Variants in TSHZ1 observed in about 807,000 individuals in gnomAD.
TSHZ1 encodes teashirt homolog 1.
TSHZ1 carries 12 observed loss-of-function variants against 67.1 expected under a neutral mutation model. That is an observed-to-expected ratio of 0.18 (90% CI 0.11 to 0.29). TSHZ1 has a LOEUF of 0.29. TSHZ1 is among the 10% of genes least tolerant of loss of function. The pLI, the probability that TSHZ1 is intolerant of heterozygous loss-of-function variation, is 1.00. For missense variants in TSHZ1, 1,305 were observed against 1,413.9 expected, an observed-to-expected ratio of 0.92 and a Z score of 1.23; for synonymous variants, 632 against 622.4, an observed-to-expected ratio of 1.02 and a Z score of -0.23.
intron 1 of TSHZ1, among the ~76,000 whole-genome samples, chr18:75,233,058 C>T (rs1210231423): frequency 6.6e-6 from 1 of 152,196 alleles, no homozygotes; most frequent in Non-Finnish European, 1.5e-5. Flanking sequence ...CTGCCTGTGT[C>T]CAGCAGCCTG....
rs1650289658 is a variant in TSHZ1, at chr18:75,281,506, C to G, written c.41-3942C>G. ...CACGGGCCCTACATGGGGCCAGGCCCTGAAAGCACCATGGGGGTGGCATGA... is the reference window on the plus strand; with the variant it reads ...CACGGGCCCTACATGGGGCCAGGCCGTGAAAGCACCATGGGGGTGGCATGA... On this transcript the variant is annotated intron_variant, in intron 1 of 1. Coordinates refer to ENST00000580243, the MANE Select transcript of TSHZ1 (RefSeq NM_001308210.2). This position sits in a 1 kb window ranked among gnomAD's most constrained non-coding sequence, Gnocchi z 5.3. Among the ~76,000 whole-genome samples the G allele has an allele frequency of 6.6e-6, 1 of 152,154 alleles. No homozygotes were observed. Among genetic ancestry groups the G allele is most frequent in the African/African-American group, 2.4e-5 (1 of 41,426 alleles).
intron 1 of TSHZ1, among the ~76,000 whole-genome samples, chr18:75,232,705 G>T (rs1008350199): frequency 3.9e-5 from 6 of 152,110 alleles, no homozygotes; most frequent in Non-Finnish European, 8.8e-5. Context: ...TTTAAAGATG[G>T]TCCCACATCT....
chr18:75,237,791 C>CATTTTTTATTT (rs1555726447), intron 1 of TSHZ1, among the ~76,000 whole-genome samples: 8 of 143,570 alleles, frequency 5.6e-5, no homozygotes, highest in African/African-American at 2.2e-4. Context: ...TTCTTTCTTT[C>CATTTTTTATTT]ATTTATTTAT....
At chr18:75,212,018 C>A in intron 1 of TSHZ1, 102 bp downstream of exon 1, 1 of 949,752 alleles carries the variant, frequency 1.1e-6, no homozygotes, top group Non-Finnish European at 1.3e-6. Context: ...CGGGCCGCCC[C>A]AAGCTGGGGA....
At chr18:75,285,179 C>T in intron 1 of TSHZ1, 1 of 290,728 alleles carries the variant, frequency 3.4e-6, no homozygotes, top group Non-Finnish European at 6.3e-6. Flanking sequence ...CCCTTCCCAC[C>T]AGGCTGCAAG....
At chr18:75,215,375 A>C (rs1192542383) in intron 1 of TSHZ1, among the ~76,000 whole-genome samples, 1 of 152,230 alleles carries the variant, frequency 6.6e-6, no homozygotes. Context: ...TACCTGTGAA[A>C]TCACAGGAGT....
At chr18:75,231,000 A>G (rs1029583921) in intron 1 of TSHZ1, among the ~76,000 whole-genome samples, 6 of 152,222 alleles carry the variant, frequency 3.9e-5, no homozygotes, top group Non-Finnish European at 7.3e-5. Flanking sequence ...GTGGGGAAAA[A>G]CCAAATATCA....
chr18:75,269,422 C>T (rs2023531131), intron 1 of TSHZ1, among the ~76,000 whole-genome samples: 1 of 152,064 alleles, frequency 6.6e-6, no homozygotes, highest in African/African-American at 2.4e-5. Flanking sequence ...GGTTACCTCC[C>T]CTGTGCTATG....
At chr18:75,263,131 C>T (rs1233900588) in intron 1 of TSHZ1, among the ~76,000 whole-genome samples, 1 of 151,996 alleles carries the variant, frequency 6.6e-6, no homozygotes, top group African/African-American at 2.4e-5. Flanking sequence ...TATGCAGGTT[C>T]GTTAAATATT....
intron 1 of TSHZ1, among the ~76,000 whole-genome samples, chr18:75,262,589 G>A (rs1025388741): frequency 5.9e-5 from 9 of 152,100 alleles, no homozygotes; most frequent in Admixed American, 1.3e-4. Flanking sequence ...TATAAAATAC[G>A]CTTGCATTAA....
At chr18:75,238,148 C>T (rs561587131) in intron 1 of TSHZ1, among the ~76,000 whole-genome samples, 1 of 152,278 alleles carries the variant, frequency 6.6e-6, no homozygotes, top group South Asian at 2.1e-4. Flanking sequence ...GAACTCTCCT[C>T]AGCTACCCAC....
At chr18:75,277,825 T>C (rs766317618) in intron 1 of TSHZ1, among the ~76,000 whole-genome samples, 15 of 152,158 alleles carry the variant, frequency 9.9e-5, no homozygotes, top group Non-Finnish European at 1.8e-4. Flanking sequence ...CACATACTGA[T>C]GGTGATGATT....
chr18:75,260,773 G>A (rs555044723), intron 1 of TSHZ1, among the ~76,000 whole-genome samples: 1 of 152,262 alleles, frequency 6.6e-6, no homozygotes, highest in African/African-American at 2.4e-5. Context: ...ACACGCCCTG[G>A]TTGAATGCCC....
intron 1 of TSHZ1, chr18:75,280,962 C>T (rs748568800): frequency 5.9e-6 from 2 of 339,172 alleles, no homozygotes; most frequent in African/African-American, 2.2e-5. Context: ...GGCTGGCATC[C>T]AGACTGGGCA....
At chr18:75,248,151 T>G (rs2023247469) in intron 1 of TSHZ1, among the ~76,000 whole-genome samples, 1 of 152,228 alleles carries the variant, frequency 6.6e-6, no homozygotes, top group Non-Finnish European at 1.5e-5. Context: ...TACTGGAAAC[T>G]GTATCCATCA....
intron 1 of TSHZ1, among the ~76,000 whole-genome samples, chr18:75,273,523 A>C (rs1383416407): frequency 6.6e-6 from 1 of 152,248 alleles, no homozygotes; most frequent in Non-Finnish European, 1.5e-5. Context: ...CTACAAATTG[A>C]GAAACATAAT....
At position 75,285,976 on chromosome 18, in the gene TSHZ1, G is replaced by A. The variant is rs1207327266; in HGVS notation, c.569G>A (p.Ser190Asn). Reference sequence around the variant, plus strand: ...AGCACCAGCCACAGCAGTACCACCAGTACCAGCAGCAGCTCCGGGTACGAC... The same window carrying A: ...AGCACCAGCCACAGCAGTACCACCAATACCAGCAGCAGCTCCGGGTACGAC... ...SSSTSHSSTT[S>N]TSSSSGYDWH... The change falls in exon 2 of 2, where the codon AGT becomes AAT. Residue 190 changes from serine to asparagine, a missense_variant. Transcript: ENST00000580243. 4 of 1,591,110 alleles carry A rather than the reference G, an allele frequency of 2.5e-6. No homozygotes were observed. Among genetic ancestry groups the A allele is most frequent in the Middle Eastern group, 1.7e-4 (1 of 6,028 alleles).
chr18:75,268,799 C>T (rs966770413), intron 1 of TSHZ1, among the ~76,000 whole-genome samples: 3 of 152,174 alleles, frequency 2.0e-5, no homozygotes, highest in African/African-American at 4.8e-5. Context: ...AATGGTGTAG[C>T]GCGATGTCTC....
At chr18:75,250,391 C>A (rs555408012) in intron 1 of TSHZ1, among the ~76,000 whole-genome samples, 5 of 152,232 alleles carry the variant, frequency 3.3e-5, no homozygotes, top group African/African-American at 9.6e-5. Flanking sequence ...TTTGCCTCCC[C>A]CTGTGGGCTC....
Sources: gnomAD v4.1 joint callset for allele counts (sites outside exome capture counted in the v4.1 genomes callset) on GRCh38, gnomAD v4.1.1 for gene constraint, Gnocchi (gnomAD v3.1) non-coding constraint, MANE v1.5 for transcripts, NCBI Gene and HGNC (gene_info 2026-07-23, HGNC 2026-07-21) for gene names.